The following GATAD2A variants were observed in gnomAD, a reference collection of about 807,000 sequenced individuals.
The protein encoded by GATAD2A is transcriptional repressor p66-alpha.
Under a neutral mutation model 68.5 loss-of-function variants are expected in GATAD2A, and 12 were observed. The observed-to-expected ratio is 0.18, with a 90% CI of 0.11 to 0.28. The LOEUF is 0.28. GATAD2A is among the 10% of genes least tolerant of loss of function. The pLI is 1.00. For synonymous variants in GATAD2A, 410 were observed against 375.3 expected, an observed-to-expected ratio of 1.09 and a Z score of -1.07; for missense variants, 755 against 868.5, an observed-to-expected ratio of 0.87 and a Z score of 1.64.
At chr19:19,455,087 G>A (rs540505831) in intron 1 of GATAD2A, among the ~76,000 whole-genome samples, 1 of 152,182 alleles carries the variant, frequency 6.6e-6, no homozygotes, top group Admixed American at 6.5e-5. Flanking sequence ...AGGCATGGTG[G>A]TATGTGCTTG....
At chr19:19,395,454 C>CA (rs200057314) in intron 1 of GATAD2A, among the ~76,000 whole-genome samples, 95 of 141,192 alleles carry the variant, frequency 6.7e-4, no homozygotes, top group Admixed American at 1.3e-3. Flanking sequence ...GATTCCGTCT[C>CA]AAAAAAAAAA....
In GATAD2A at chr19:19,503,644, C is replaced by CTGTGTGTGTGTG. The variant is rs58706182; in HGVS notation, c.1774+1136_1774+1147dup. Reference sequence around the variant, plus strand: ...CACGGTGGTGGAAGTCATCTGGAAGCTGTGTGTGTGTGTGTGTGTGTGTGT... The same window carrying CTGTGTGTGTGTG: ...CACGGTGGTGGAAGTCATCTGGAAGCTGTGTGTGTGTGTGTGTGTGTGTGTGTGTGTGTGTGT... On this transcript the variant is annotated intron_variant, in intron 11 of 11. Transcript: ENST00000683918. 1.1e-3 allele frequency among the ~76,000 whole-genome samples: 168 copies of CTGTGTGTGTGTG among 148,712 alleles called. 1 individual carries two copies. Among genetic ancestry groups the CTGTGTGTGTGTG allele is most frequent in the South Asian group, 8.4e-3 (39 of 4,644 alleles).
chr19:19,414,980 G>T (rs954511742), intron 1 of GATAD2A, among the ~76,000 whole-genome samples: 1 of 150,932 alleles, frequency 6.6e-6, no homozygotes, highest in Non-Finnish European at 1.5e-5. Flanking sequence ...TAGTGGCCAA[G>T]TGTAGTGGCT....
intron 1 of GATAD2A, among the ~76,000 whole-genome samples, chr19:19,416,869 C>G (rs934373639): frequency 1.3e-5 from 2 of 151,882 alleles, no homozygotes; most frequent in Admixed American, 1.3e-4. Flanking sequence ...CCAAGCGATT[C>G]TCCTGCCTCA....
At chr19:19,401,919 G>T (rs1337127983), upstream of GATAD2A, 1 of 152,074 alleles carries the variant, frequency 6.6e-6, no homozygotes, top group Non-Finnish European at 1.5e-5. Context: ...AGGCTCAGGT[G>T]GTGTTTAGAA....
At chr19:19,478,399 G>A (rs961240110) in intron 2 of GATAD2A, among the ~76,000 whole-genome samples, 3 of 152,218 alleles carry the variant, frequency 2.0e-5, no homozygotes, top group South Asian at 4.1e-4. Flanking sequence ...CCAGGAGTTC[G>A]AGACCAGCCT....
At chr19:19,456,166 AAAAAAG>A (rs1023444664) in intron 1 of GATAD2A, among the ~76,000 whole-genome samples, 3 of 150,650 alleles carry the variant, frequency 2.0e-5, no homozygotes, top group African/African-American at 7.5e-5. Flanking sequence ...AAAAAAAAAA[AAAAAAG>A]AGAGAAAAAG....
At chr19:19,390,283 C>T (rs1415259707) in intron 1 of GATAD2A, among the ~76,000 whole-genome samples, 1 of 151,918 alleles carries the variant, frequency 6.6e-6, no homozygotes, top group East Asian at 1.9e-4. Context: ...ATGGGAGGTG[C>T]TTACTAGATG....
At chr19:19,395,843 C>T (rs763591585) in intron 1 of GATAD2A, among the ~76,000 whole-genome samples, 1 of 152,170 alleles carries the variant, frequency 6.6e-6, no homozygotes, top group Non-Finnish European at 1.5e-5. Flanking sequence ...GGGCTTGATC[C>T]TGATTCTACC....
At chr19:19,406,920 A>G (rs529212903) in intron 1 of GATAD2A, among the ~76,000 whole-genome samples, 1 of 152,220 alleles carries the variant, frequency 6.6e-6, no homozygotes, top group Non-Finnish European at 1.5e-5. Flanking sequence ...CACAGGGCAA[A>G]ATTTTGTAGG....
intron 2 of GATAD2A, among the ~76,000 whole-genome samples, chr19:19,479,447 C>T (rs962491169): frequency 6.6e-6 from 1 of 152,190 alleles, no homozygotes; most frequent in Non-Finnish European, 1.5e-5. Context: ...TTCCAGCTGT[C>T]CTTTTTCCCT....
At chr19:19,492,940 A>AC (rs1051939093) in intron 4 of GATAD2A, among the ~76,000 whole-genome samples, 1 of 137,078 alleles carries the variant, frequency 7.3e-6, no homozygotes, top group Non-Finnish European at 1.5e-5. Context: ...TCTAAAGCTC[A>AC]CTTTTTTTTT....
intron 7 of GATAD2A, among the ~76,000 whole-genome samples, chr19:19,497,210 G>A (rs533293080): frequency 8.5e-5 from 13 of 152,210 alleles, no homozygotes; most frequent in Non-Finnish European, 1.8e-4. Context: ...ATACTCCTGC[G>A]TCAGCCTCCC....
chr19:19,423,776 C>G (rs1219184671), intron 1 of GATAD2A, among the ~76,000 whole-genome samples: 1 of 152,272 alleles, frequency 6.6e-6, no homozygotes, highest in East Asian at 1.9e-4. Context: ...TGAGGTCTGC[C>G]AGGCCCTCCC....
At chr19:19,426,581 G>A (rs2053118449) in intron 1 of GATAD2A, among the ~76,000 whole-genome samples, 2 of 151,890 alleles carry the variant, frequency 1.3e-5, no homozygotes, top group Non-Finnish European at 2.9e-5. Flanking sequence ...TGCGATCTTG[G>A]CTCACTGCAG....
At chr19:19,462,126 C>T (rs1339799229) in intron 1 of GATAD2A, among the ~76,000 whole-genome samples, 1 of 152,232 alleles carries the variant, frequency 6.6e-6, no homozygotes, top group African/African-American at 2.4e-5. Context: ...CCCCACTGCT[C>T]TTTGCAGGAG....
In GATAD2A at chr19:19,505,464, C is replaced by T. The variant is rs1047123740; in HGVS notation, c.1895C>T (p.Thr632Met). 8 of 1,602,670 alleles carry T rather than the reference C, an allele frequency of 5.0e-6. No homozygotes were observed. Among genetic ancestry groups the T allele is most frequent in the South Asian group, 2.2e-5 (2 of 89,862 alleles). ...IPPRSIPQSA[T>M]WK ...CCCCGCTCCATCCCCCAGTCAGCCACGTGGAAATAGTGCGAGCCAGGCCCC... is the reference window on the plus strand; with the variant it reads ...CCCCGCTCCATCCCCCAGTCAGCCATGTGGAAATAGTGCGAGCCAGGCCCC... The change falls in exon 12 of 12, where the codon ACG (threonine) becomes ATG (methionine). Residue 632 changes from threonine to methionine, a missense_variant. Transcript: ENST00000683918.
intron 1 of GATAD2A, among the ~76,000 whole-genome samples, 195 bp from the exon 2 acceptor site, chr19:19,465,145 C>A (rs556184540): frequency 7.9e-4 from 120 of 152,322 alleles, no homozygotes; most frequent in African/African-American, 2.7e-3. Flanking sequence ...GGGACACCCC[C>A]CTCCTGCCTA....
At chr19:19,485,512 A>G (rs1488710427) in intron 2 of GATAD2A, among the ~76,000 whole-genome samples, 3 of 152,144 alleles carry the variant, frequency 2.0e-5, no homozygotes, top group South Asian at 2.1e-4. Context: ...AGCGGGGGCT[A>G]GTGTGGGCCT....
Sources: allele counts gnomAD v4.1 joint callset (sites outside exome capture counted in the v4.1 genomes callset), GRCh38; gene constraint gnomAD v4.1.1; transcripts MANE v1.5; gene names NCBI Gene and HGNC (gene_info 2026-07-23, HGNC 2026-07-21).